Variants in TSHR observed in about 807,000 individuals in gnomAD.
TSHR encodes thyrotropin receptor.
In TSHR, 51 loss-of-function variants were observed where a neutral mutation model predicts 64.1. The ratio of observed to expected loss-of-function variants is 0.80; its 90% CI spans 0.64 to 1.01. The LOEUF is 1.01. Ranked by LOEUF, TSHR falls within the 50% of genes least tolerant of loss-of-function variation. The probability of loss-of-function intolerance (pLI) is 0.00; values close to 1 mark genes in which losing one functional copy is unlikely to be tolerated. For missense variants in TSHR, 877 were observed against 942.8 expected, an observed-to-expected ratio of 0.93 and a Z score of 0.91; for synonymous variants, 361 against 361.9, an observed-to-expected ratio of 1.00 and a Z score of 0.03.
intron 1 of TSHR, among the ~76,000 whole-genome samples, chr14:81,055,592 A>T (rs529691181): frequency 7.9e-5 from 12 of 152,258 alleles, no homozygotes; most frequent in African/African-American, 2.9e-4. Context: ...CACCATGGGA[A>T]CTCAACCCTT....
intron 1 of TSHR, among the ~76,000 whole-genome samples, chr14:81,046,976 C>T (rs1243912491): frequency 6.6e-6 from 1 of 152,072 alleles, no homozygotes; most frequent in Non-Finnish European, 1.5e-5. Flanking sequence ...AGTGTCTTCC[C>T]ATATTAAAAG....
chr14:80,976,779 A>G (rs567638321), intron 1 of TSHR, among the ~76,000 whole-genome samples: 1 of 152,360 alleles, frequency 6.6e-6, no homozygotes, highest in Non-Finnish European at 1.5e-5. Flanking sequence ...AGTTCTCCAC[A>G]GAGCCTAGTA....
At position 81,103,687 on chromosome 14, in the gene TSHR, TG is replaced by T. The variant is rs1889724114; in HGVS notation, c.615-4687del. 1 of 985,366 alleles carries T rather than the reference TG, an allele frequency of 1.0e-6. No individual in the cohort carries two copies. The highest frequency in any genetic ancestry group is 1.7e-5 in the African/African-American group (1 of 57,256). 61.0% of individuals were successfully genotyped at this position (985,366 alleles called of 1,614,324 possible). On this transcript the variant is annotated intron_variant, in intron 7 of 9. Transcript: ENST00000298171. The surrounding 1 kb of genome is among the most constrained non-coding windows in gnomAD (Gnocchi z 4.1). ...AATTAATAATAATACAAGCATCCCT[TG>T]CTCAACAGAAGTTGAACTGTACTTG...
chr14:81,040,929 T>G (rs1884889213), intron 1 of TSHR, among the ~76,000 whole-genome samples: 1 of 151,952 alleles, frequency 6.6e-6, no homozygotes, highest in Admixed American at 6.6e-5. Flanking sequence ...ACATCACTGA[T>G]CATTAAAGAA....
chr14:81,124,686 T>TA (rs1313866169), intron 8 of TSHR, among the ~76,000 whole-genome samples: 5 of 150,432 alleles, frequency 3.3e-5, no homozygotes, highest in Non-Finnish European at 4.4e-5. Context: ...GAGCATTTTA[T>TA]ACTGGCCAAT....
chr14:80,998,152 A>G (rs1889120998), intron 1 of TSHR, among the ~76,000 whole-genome samples: 1 of 152,214 alleles, frequency 6.6e-6, no homozygotes, highest in Non-Finnish European at 1.5e-5. Flanking sequence ...AGGACAAAAA[A>G]AATTTCTTTC....
chr14:80,963,315 T>G (rs1341941094), intron 1 of TSHR, among the ~76,000 whole-genome samples: 2 of 152,216 alleles, frequency 1.3e-5, no homozygotes, highest in East Asian at 3.8e-4. Context: ...GAACTCCAGG[T>G]TCTTTATGGA....
chr14:81,019,457 C>CTTTTTT (rs1166193901), intron 1 of TSHR, among the ~76,000 whole-genome samples: 29 of 118,372 alleles, frequency 2.4e-4, no homozygotes, highest in South Asian at 5.4e-4. Flanking sequence ...ATCATCAATT[C>CTTTTTT]TTTTTTTTTT....
At chr14:81,130,116 T>C (rs1043360629) in intron 8 of TSHR, among the ~76,000 whole-genome samples, 4 of 152,246 alleles carry the variant, frequency 2.6e-5, no homozygotes, top group Admixed American at 6.5e-5. Context: ...TAAAGAGTTA[T>C]TGTTTTAGAT....
Position 81,143,779 on chromosome 14 carries a change from C to T in TSHR, c.1721C>T (p.Thr574Ile), listed in dbSNP as rs61742289. ...AKVSICLPMD[T>I]ETPLALAYIV... Reference sequence around the variant, plus strand: ...GTCAGTATCTGCCTGCCCATGGACACCGAGACCCCTCTTGCTCTGGCATAT... The same window carrying T: ...GTCAGTATCTGCCTGCCCATGGACATCGAGACCCCTCTTGCTCTGGCATAT... Residue 574 changes from threonine (T) to isoleucine (I), a missense_variant, in exon 10 of 10, where the codon ACC becomes ATC. By Grantham distance (89) the Thr-to-Ile change is moderately conservative (BLOSUM62 -1). Transcript: ENST00000298171. 1.9e-6 allele frequency: 3 copies of T among 1,614,126 alleles called. No individual in the cohort carries two copies. In the Middle Eastern group the frequency reaches 4.9e-4, roughly 266 times the overall value.
intron 9 of TSHR, among the ~76,000 whole-genome samples, chr14:81,141,478 C>T (rs773910559): frequency 2.6e-5 from 4 of 152,218 alleles, no homozygotes; most frequent in Non-Finnish European, 5.9e-5. Context: ...CACAAGCATG[C>T]CTGTATGGTA....
chr14:81,127,739 G>A (rs779203237), intron 8 of TSHR, among the ~76,000 whole-genome samples: 11 of 152,090 alleles, frequency 7.2e-5, no homozygotes, highest in Non-Finnish European at 1.0e-4. Context: ...CTTGCCTGCC[G>A]CCATGTAAGA....
intron 1 of TSHR, chr14:81,011,979 G>A (rs189569431): frequency 6.6e-6 from 1 of 152,230 alleles, no homozygotes; most frequent in East Asian, 1.9e-4. Context: ...TAGGGCACAT[G>A]TGCACAATGT....
intron 8 of TSHR, among the ~76,000 whole-genome samples, chr14:81,128,005 A>G (rs1207744189): frequency 6.6e-6 from 1 of 152,228 alleles, no homozygotes; most frequent in Non-Finnish European, 1.5e-5. Flanking sequence ...GCAATTTTCC[A>G]TTGCAGAATC....
intron 3 of TSHR, 146 bp downstream of exon 3, chr14:81,068,474 T>G (rs555833526): frequency 3.2e-4 from 232 of 715,740 alleles, no homozygotes; most frequent in Non-Finnish European, 4.1e-4. Flanking sequence ...CTGTTCTCAT[T>G]CTCAGTTCAT....
rs149122979 is a variant in TSHR, at chr14:80,987,489, G to T, written c.170+31639G>T. On this transcript the variant is annotated intron_variant, in intron 1 of 9. Coordinates refer to ENST00000298171, the MANE Select transcript of TSHR (RefSeq NM_000369.5). ...TTAGGCTTGATTCAAGTCTTATGCT[G>T]CATCCCACACTTTTTAAAAAATTAA... 1.5e-3 allele frequency among the ~76,000 whole-genome samples: 232 copies of T among 152,226 alleles called. 3 individuals are homozygous for T. The highest frequency in any genetic ancestry group is 5.0e-3 in the African/African-American group (209 of 41,514).
chr14:81,004,795 A>C (rs17545310), intron 1 of TSHR, among the ~76,000 whole-genome samples: 51,924 of 152,038 alleles, frequency 0.34, 9,050 homozygotes, highest in South Asian at 0.37. Flanking sequence ...ACTGGAAGTC[A>C]TATTCATGGT....
chr14:81,096,060 AT>A (rs367699102), intron 6 of TSHR, among the ~76,000 whole-genome samples: 1,207 of 98,260 alleles, frequency 0.012, 24 homozygotes, highest in African/African-American at 0.061. Flanking sequence ...AAAAAAAAAA[AT>A]CCATAAGAGG....
rs775675381 is a variant in TSHR, at chr14:81,092,590, G to GCAAT, written c.528_531dup (p.Glu178GlnfsTer2). The GCAAT allele has an allele frequency of 3.1e-6, 5 of 1,613,968 alleles. No individual in the cohort carries two copies. The highest frequency in any genetic ancestry group is 4.2e-6 in the Non-Finnish European group (5 of 1,179,940). Reference sequence around the variant, plus strand: ...CCTGTGAATGCTTTTCAGGGACTATGCAATGAAACCTTGACACTGTGAGTA... The same window carrying GCAAT: ...CCTGTGAATGCTTTTCAGGGACTATGCAATCAATGAAACCTTGACACTGTGAGTA... On this transcript the variant is annotated frameshift_variant, in exon 6 of 10. Transcript: ENST00000298171. LOFTEE classifies it high-confidence loss of function.
Sources: allele counts gnomAD v4.1 joint callset (sites outside exome capture counted in the v4.1 genomes callset), GRCh38; gene constraint gnomAD v4.1.1; non-coding constraint Gnocchi (gnomAD v3.1); transcripts MANE v1.5; gene names NCBI Gene and HGNC (gene_info 2026-07-23, HGNC 2026-07-21).